Variants in CAP2 observed in about 807,000 individuals in gnomAD.
The protein encoded by CAP2 is adenylyl cyclase-associated protein 2.
In CAP2, 24 loss-of-function variants were observed where a neutral mutation model predicts 57.7. The observed-to-expected ratio is 0.42, with a 90% CI of 0.30 to 0.58. The LOEUF is 0.58. Among genes scored for constraint, CAP2 ranks in the 20% least tolerant of loss-of-function variants. The pLI, the probability that CAP2 is intolerant of heterozygous loss-of-function variation, is 0.22. For synonymous variants in CAP2, 194 were observed against 207.2 expected, an observed-to-expected ratio of 0.94 and a Z score of 0.55; for missense variants, 501 against 590.3, an observed-to-expected ratio of 0.85 and a Z score of 1.57.
chr6:17,553,942 C>G (rs915464891), intron 12 of CAP2, among the ~76,000 whole-genome samples: 2 of 152,186 alleles, frequency 1.3e-5, no homozygotes, highest in African/African-American at 4.8e-5. Flanking sequence ...AAACACCAAG[C>G]CTCATCTACC....
At chr6:17,461,726 C>T (rs1581538428) in intron 3 of CAP2, among the ~76,000 whole-genome samples, 1 of 151,416 alleles carries the variant, frequency 6.6e-6, no homozygotes, top group East Asian at 2.0e-4. Context: ...GGCGTGGTGG[C>T]TCACACCTGT....
intron 3 of CAP2, among the ~76,000 whole-genome samples, chr6:17,453,406 T>C (rs1230569956): frequency 6.6e-6 from 1 of 152,218 alleles, no homozygotes; most frequent in Non-Finnish European, 1.5e-5. Context: ...AAAAGACAAA[T>C]GCCTATGAAA....
At chr6:17,489,694 C>G (rs1018001774) in intron 4 of CAP2, among the ~76,000 whole-genome samples, 1 of 151,934 alleles carries the variant, frequency 6.6e-6, no homozygotes, top group East Asian at 1.9e-4. Flanking sequence ...GTTGCCTTGC[C>G]CCTTACTACC....
At chr6:17,408,240 A>C (rs1228477656) in intron 1 of CAP2, among the ~76,000 whole-genome samples, 1 of 152,158 alleles carries the variant, frequency 6.6e-6, no homozygotes, top group Non-Finnish European at 1.5e-5. Flanking sequence ...TTGTGGCAAG[A>C]GTTGAAGGGA....
intron 7 of CAP2, among the ~76,000 whole-genome samples, chr6:17,535,894 A>G (rs1475889013): frequency 1.3e-5 from 2 of 151,874 alleles, no homozygotes; most frequent in African/African-American, 2.4e-5. Context: ...TCCACCCACA[A>G]GAGTATTTCT....
At chr6:17,508,932 A>G (rs1415461972) in intron 6 of CAP2, among the ~76,000 whole-genome samples, 5 of 151,886 alleles carry the variant, frequency 3.3e-5, no homozygotes, top group African/African-American at 1.2e-4. Context: ...TAATTTTTGT[A>G]TATTTAGTAG....
Position 17,556,381 on chromosome 6 carries a change from A to C in CAP2, c.1373A>C (p.Gln458Pro), listed in dbSNP as rs374386454. Residue 458 changes from glutamine (Q) to proline (P), a missense_variant, in exon 13 of 13, where the codon CAG becomes CCG. Gln to Pro is a moderately conservative substitution (Grantham distance 76). Transcript: ENST00000229922. The stretch of plus-strand genomic sequence containing the variant: ...CAGAGAGAATTTCCCATTCCTGAAC[A>C]GTTCAAGACAGCATGGGATGGATCC... ...GDYREFPIPE[Q>P]FKTAWDGSKL... The C allele has an allele frequency of 6.2e-7, 1 of 1,613,234 alleles. No individual in the cohort carries two copies. The highest frequency in any genetic ancestry group is 1.7e-5 in the Admixed American group (1 of 60,004).
At chr6:17,491,021 ATC>A (rs1450066957) in intron 4 of CAP2, among the ~76,000 whole-genome samples, 1 of 152,114 alleles carries the variant, frequency 6.6e-6, no homozygotes, top group Non-Finnish European at 1.5e-5. Flanking sequence ...ACTAAAAGAA[ATC>A]TGTTTCTCTT....
intron 3 of CAP2, among the ~76,000 whole-genome samples, chr6:17,453,717 G>A (rs1240705245): frequency 6.6e-6 from 1 of 152,106 alleles, no homozygotes; most frequent in Admixed American, 6.5e-5. Flanking sequence ...GTGGTAATTA[G>A]TACGGGATTA....
At chr6:17,496,401 C>T (rs1044238738) in intron 4 of CAP2, among the ~76,000 whole-genome samples, 8 of 152,204 alleles carry the variant, frequency 5.3e-5, no homozygotes. Flanking sequence ...GCCTCCCAAC[C>T]CTGTTGACCA....
chr6:17,479,828 G>A (rs1314191689), intron 4 of CAP2, among the ~76,000 whole-genome samples: 1 of 151,826 alleles, frequency 6.6e-6, no homozygotes, highest in Admixed American at 6.6e-5. Context: ...TGTTAGCCAG[G>A]ATGATCTCGA....
At chr6:17,523,535 G>A (rs1762436854) in intron 7 of CAP2, among the ~76,000 whole-genome samples, 1 of 152,198 alleles carries the variant, frequency 6.6e-6, no homozygotes, top group Non-Finnish European at 1.5e-5. Context: ...AAAAAAGAGA[G>A]AGTGAGATCA....
chr6:17,407,433 T>G (rs961189245), intron 1 of CAP2, among the ~76,000 whole-genome samples: 1 of 151,232 alleles, frequency 6.6e-6, no homozygotes, highest in Non-Finnish European at 1.5e-5. Context: ...GAGCTATGAT[T>G]GTGCCACTGC....
Position 17,556,474 on chromosome 6 carries a change from TC to T in CAP2, c.*37del, listed in dbSNP as rs1270100224. 5 of 1,429,752 alleles carry T rather than the reference TC, an allele frequency of 3.5e-6. No individual in the cohort carries two copies. In the East Asian group the frequency reaches 6.8e-5, roughly 19 times the overall value. The allele number at this position is 1,429,752 out of a possible 1,614,324, so 88.6% of individuals were successfully genotyped here. ...GAGAGACCGAACCCCCTCACCTGAA[TC>T]CCCCTCTATCAAACAAACAAAAAAG... On this transcript the variant is annotated 3_prime_UTR_variant, in exon 13 of 13. Coordinates refer to ENST00000229922, the MANE Select transcript of CAP2 (RefSeq NM_006366.3).
intron 3 of CAP2, among the ~76,000 whole-genome samples, chr6:17,443,191 G>A (rs1055313754): frequency 6.6e-6 from 1 of 152,128 alleles, no homozygotes; most frequent in African/African-American, 2.4e-5. Context: ...GTTCTAGGCT[G>A]CAGTGGGCCA....
chr6:17,537,362 A>AT (rs1006735078), intron 7 of CAP2, among the ~76,000 whole-genome samples: 2 of 151,704 alleles, frequency 1.3e-5, no homozygotes, highest in African/African-American at 4.8e-5. Context: ...AATTTTTTGT[A>AT]TTTTTTGTAG....
intron 3 of CAP2, among the ~76,000 whole-genome samples, chr6:17,455,035 G>A (rs1024672989): frequency 6.6e-6 from 1 of 152,096 alleles, no homozygotes; most frequent in Non-Finnish European, 1.5e-5. Flanking sequence ...GAGAGCCCCC[G>A]CTCCAGGAAT....
chr6:17,500,368 T>TATATATATATATATATATATTTGGAG (rs1561806361), intron 4 of CAP2, among the ~76,000 whole-genome samples: 4 of 105,286 alleles, frequency 3.8e-5, no homozygotes, highest in African/African-American at 1.6e-4. Context: ...TATATATATA[T>TATATATATATATATATATATTTGGAG]ATATATATAT....
At position 17,395,690 on chromosome 6, in the gene CAP2, T is replaced by G. The variant is rs190753592; in HGVS notation, c.-2+1944T>G. Among the ~76,000 whole-genome samples the G allele has an allele frequency of 5.3e-5, 8 of 152,332 alleles. No homozygotes were observed. In the East Asian group the frequency reaches 1.5e-3, roughly 29 times the overall value. On this transcript the variant is annotated intron_variant, in intron 1 of 12. Coordinates refer to ENST00000229922, the MANE Select transcript of CAP2 (RefSeq NM_006366.3). ...GTTTTGTTTTGTTTTGAATATTTCC[T>G]AACATCTTTATTCATGAGGTTTTGT...
Sources: gnomAD v4.1 joint callset for allele counts (sites outside exome capture counted in the v4.1 genomes callset) on GRCh38, gnomAD v4.1.1 for gene constraint, MANE v1.5 for transcripts, NCBI Gene and HGNC (gene_info 2026-07-23, HGNC 2026-07-21) for gene names.